Variants in HIVEP3 observed in about 807,000 individuals in gnomAD.
The protein encoded by HIVEP3 is transcription factor HIVEP3.
HIVEP3 carries 49 observed loss-of-function variants against 152.8 expected under a neutral mutation model. The observed-to-expected ratio is 0.32, with a 90% CI of 0.26 to 0.41. HIVEP3 has a LOEUF of 0.41. HIVEP3 is among the 10% of genes least tolerant of loss of function. The pLI, the probability that HIVEP3 is intolerant of heterozygous loss-of-function variation, is 1.00. For synonymous variants in HIVEP3, 1,269 were observed against 1,289.0 expected (o/e 0.98, Z 0.33); for missense variants, 2,790 against 3,103.3 (o/e 0.90, Z 2.40).
chr1:41,799,982 C>T (rs12060469), intron 1 of HIVEP3, among the ~76,000 whole-genome samples: 1 of 152,118 alleles, frequency 6.6e-6, no homozygotes, highest in Non-Finnish European at 1.5e-5. Flanking sequence ...CTAGGAGCAG[C>T]CTTACCCAAC....
At chr1:41,897,938 G>GGGGAGAGA in intron 1 of HIVEP3, among the ~76,000 whole-genome samples, 1 of 129,998 alleles carries the variant, frequency 7.7e-6, no homozygotes, top group Non-Finnish European at 1.6e-5. Flanking sequence ...TGAGAGAGAG[G>GGGGAGAGA]GAGAGAGAGA....
chr1:41,987,756 A>G (rs150689086), intron 1 of HIVEP3, among the ~76,000 whole-genome samples: 1 of 152,370 alleles, frequency 6.6e-6, no homozygotes, highest in Non-Finnish European at 1.5e-5. Context: ...AAGATTGGGT[A>G]ATTTATAAAA....
intron 1 of HIVEP3, among the ~76,000 whole-genome samples, chr1:41,725,491 A>G (rs549533785): frequency 5.3e-5 from 8 of 152,362 alleles, no homozygotes; most frequent in African/African-American, 1.7e-4. Flanking sequence ...AAGAATTCCC[A>G]GGACTTCCCA....
intron 1 of HIVEP3, among the ~76,000 whole-genome samples, chr1:41,717,893 C>G (rs2124162011): frequency 1.3e-5 from 2 of 152,354 alleles, no homozygotes; most frequent in Middle Eastern, 3.4e-3. Context: ...TAGCTCACGG[C>G]AGGCTCTGGC....
chr1:42,017,696 C>T (rs1260138941), intron 1 of HIVEP3, among the ~76,000 whole-genome samples: 1 of 152,050 alleles, frequency 6.6e-6, no homozygotes, highest in Non-Finnish European at 1.5e-5. Flanking sequence ...CAGTTTGAGG[C>T]TATTATGAAT....
intron 5 of HIVEP3, among the ~76,000 whole-genome samples, chr1:41,554,918 G>A (rs1362962850): frequency 1.3e-5 from 2 of 152,150 alleles, no homozygotes; most frequent in Non-Finnish European, 2.9e-5. Context: ...CCCCTACTGG[G>A]AGGTGTCTCC....
chr1:42,023,300 C>T (rs962705007), intron 1 of HIVEP3, among the ~76,000 whole-genome samples: 3 of 152,212 alleles, frequency 2.0e-5, no homozygotes, highest in Non-Finnish European at 4.4e-5. Flanking sequence ...AGCCACCACA[C>T]CCGGCCATCA....
chr1:42,028,521 G>A lies in HIVEP3; in HGVS notation n.119+7286C>T, dbSNP rs1354770830. 9.9e-5 allele frequency among the ~76,000 whole-genome samples: 15 copies of A among 152,152 alleles called. No individual in the cohort carries two copies. The South Asian group carries it at 2.7e-3, about 27-fold the overall frequency. On this transcript the variant is annotated intron_variant and non_coding_transcript_variant, in intron 1 of 3. Transcript: ENST00000489103. ...TTGAGTCTATAAATCCTCCCTGCCTGAGGCTCCTCAGCTTACTGACTCGGT... is the reference window on the plus strand; with the variant it reads ...TTGAGTCTATAAATCCTCCCTGCCTAAGGCTCCTCAGCTTACTGACTCGGT...
chr1:41,760,559 C>T (rs1647602402), intron 1 of HIVEP3, among the ~76,000 whole-genome samples: 1 of 152,182 alleles, frequency 6.6e-6, no homozygotes, highest in African/African-American at 2.4e-5. Flanking sequence ...TGGATCTTCT[C>T]TAGGGCCTAT....
At position 41,527,520 on chromosome 1, in the gene HIVEP3, C is replaced by T. The variant is rs111162291; in HGVS notation, c.5208-2610G>A. Reference sequence around the variant, plus strand: ...TCACACACACTCACACACCCCCGCCCTCACATGCTCACCCTCACGTATACA... The same window carrying T: ...TCACACACACTCACACACCCCCGCCTTCACATGCTCACCCTCACGTATACA... On this transcript the variant is annotated intron_variant, in intron 5 of 8. Coordinates refer to ENST00000372583, the MANE Select transcript of HIVEP3 (RefSeq NM_024503.5). Among the ~76,000 whole-genome samples, 547 of 145,060 alleles carry T rather than the reference C, an allele frequency of 3.8e-3. 3 individuals carry two copies. The highest frequency in any genetic ancestry group is 6.5e-3 in the Non-Finnish European group (426 of 65,544).
intron 1 of HIVEP3, among the ~76,000 whole-genome samples, chr1:41,888,202 ATTTTTTTT>A (rs61561436): frequency 1.2e-4 from 12 of 99,200 alleles, no homozygotes; most frequent in African/African-American, 2.9e-4. Context: ...CGCCCGGCTA[ATTTTTTTT>A]TTTTTTTTTT....
intron 2 of HIVEP3, among the ~76,000 whole-genome samples, chr1:41,652,070 G>T (rs901232983): frequency 6.6e-6 from 1 of 152,158 alleles, no homozygotes; most frequent in African/African-American, 2.4e-5. Context: ...TCAAAGCCCC[G>T]AGAGGTGGTC....
intron 2 of HIVEP3, among the ~76,000 whole-genome samples, chr1:41,648,120 A>G (rs1645488825): frequency 6.6e-6 from 1 of 152,208 alleles, no homozygotes; most frequent in Non-Finnish European, 1.5e-5. Flanking sequence ...AGGGGCTGAA[A>G]CATTTGCTGA....
chr1:41,735,151 C>A (rs1050390963), intron 1 of HIVEP3, among the ~76,000 whole-genome samples: 8 of 152,192 alleles, frequency 5.3e-5, no homozygotes, highest in African/African-American at 1.9e-4. Flanking sequence ...GATAAGAAAC[C>A]TGAGGCTCAG....
chr1:41,810,130 C>G (rs1235486341), intron 1 of HIVEP3, among the ~76,000 whole-genome samples: 1 of 152,174 alleles, frequency 6.6e-6, no homozygotes, highest in African/African-American at 2.4e-5. Context: ...CCCTCCATCT[C>G]ACAGATAGTC....
In HIVEP3 at chr1:41,581,683, C is replaced by T; in HGVS notation, c.3115G>A (p.Glu1039Lys). The change falls in exon 4 of 9, where the codon GAG becomes AAG. Residue 1039 changes from glutamate (E) to lysine (K), a missense_variant. Glu to Lys is a moderately conservative substitution (Grantham distance 56). This residue lies in a region of HIVEP3 where 1,078 missense variants were observed against 1,165.3 expected (regional missense o/e 0.93). Coordinates refer to ENST00000372583, the MANE Select transcript of HIVEP3 (RefSeq NM_024503.5). This position sits in a 1 kb window ranked among gnomAD's most constrained non-coding sequence, Gnocchi z 4.5. ...CTCACCAAGAAGCATTTTCTTCTCT[C>T]TGGCGGGGCCACCCGCGCTGGTGGA... is the stretch of plus-strand genomic sequence containing the variant. ...VAPPARVAPP[E>K]RRKCFLVRQA... 1.2e-6 allele frequency: 2 copies of T among 1,614,074 alleles called. No individual in the cohort carries two copies. The highest frequency in any genetic ancestry group is 1.7e-6 in the Non-Finnish European group (2 of 1,179,992).
chr1:41,781,283 A>G (rs1008196702), intron 1 of HIVEP3, among the ~76,000 whole-genome samples: 8 of 152,178 alleles, frequency 5.3e-5, no homozygotes, highest in African/African-American at 1.9e-4. Context: ...ACAATGTACA[A>G]TGCTGTCCAT....
rs1263052816 is a variant in HIVEP3 at position 41,506,742 on chromosome 1, A to G, written c.*3709T>C. On this transcript the variant is annotated 3_prime_UTR_variant, in exon 9 of 9. Coordinates refer to ENST00000372583, the MANE Select transcript of HIVEP3 (RefSeq NM_024503.5). ...CAGTGCGGTTGCTGTACATATCTAC[A>G]GTACAATTTTTGGAATGTATTGCCA... The G allele has an allele frequency of 6.6e-6, 1 of 152,194 alleles. No individual in the cohort carries two copies. The highest frequency in any genetic ancestry group is 2.4e-5 in the African/African-American group (1 of 41,458). The allele number at this position is 152,194 out of a possible 1,614,324, so 9.4% of individuals were successfully genotyped here.
rs113067873 is a variant in HIVEP3 at position 41,888,274 on chromosome 1, A to G, written c.-801+30139T>C. ...TCAACATGTTAGCCAGGATGGTCTC[A>G]ATCTCCTGACTTCGTAATCTGCCCA... On this transcript the variant is annotated intron_variant, in intron 1 of 8. Transcript: ENST00000372583. Among the ~76,000 whole-genome samples the G allele has an allele frequency of 3.6e-4, 52 of 143,946 alleles. No homozygotes were observed. In the East Asian group the frequency reaches 4.9e-3, roughly 14 times the overall value. 94.4% of individuals were successfully genotyped at this position (143,946 alleles called of 152,430 possible).
Sources: gnomAD v4.1 joint callset for allele counts (sites outside exome capture counted in the v4.1 genomes callset) on GRCh38, gnomAD v4.1.1 for gene constraint, gnomAD v4.1.1 regional missense constraint, Gnocchi (gnomAD v3.1) non-coding constraint, MANE v1.5 for transcripts, NCBI Gene and HGNC (gene_info 2026-07-23, HGNC 2026-07-21) for gene names.